MEI4: variants seen among roughly 807,000 people sequenced by gnomAD.
MEI4 encodes the protein meiotic double-stranded break formation protein 4.
In MEI4, 27 loss-of-function variants were observed where a neutral mutation model predicts 31.4. The observed-to-expected ratio is 0.86, with a 90% CI of 0.63 to 1.19. The LOEUF (loss-of-function observed/expected upper bound fraction) is 1.19, where lower values mean the gene tolerates loss of function less well. Among genes scored for constraint, MEI4 ranks in the 50% most tolerant of loss-of-function variants. The pLI, the probability that MEI4 is intolerant of heterozygous loss-of-function variation, is 0.00. For missense variants in MEI4, 329 were observed against 398.9 expected, an observed-to-expected ratio of 0.82 and a Z score of 1.49; for synonymous variants, 122 against 145.4, an observed-to-expected ratio of 0.84 and a Z score of 1.16.
intron 3 of MEI4, among the ~76,000 whole-genome samples, chr6:77,765,701 G>T (rs1296569953): frequency 6.6e-6 from 1 of 151,244 alleles, no homozygotes; most frequent in Non-Finnish European, 1.5e-5. Flanking sequence ...ATACCCAAAG[G>T]ATTATAAATC....
intron 3 of MEI4, among the ~76,000 whole-genome samples, chr6:77,800,738 T>G (rs1055568527): frequency 5.3e-5 from 8 of 152,232 alleles, no homozygotes; most frequent in Non-Finnish European, 8.8e-5. Context: ...TTTCTGCATC[T>G]ATTGAGATAA....
intron 4 of MEI4, among the ~76,000 whole-genome samples, chr6:77,875,767 G>T (rs1031693389): frequency 2.6e-5 from 4 of 151,992 alleles, no homozygotes; most frequent in African/African-American, 9.7e-5. Context: ...CATATTACAT[G>T]GTAAAATGCA....
intron 4 of MEI4, among the ~76,000 whole-genome samples, chr6:77,838,801 G>A (rs1467164100): frequency 6.6e-6 from 1 of 151,960 alleles, no homozygotes; most frequent in Non-Finnish European, 1.5e-5. Flanking sequence ...TACTCAGGAG[G>A]CTGAGGTGGG....
chr6:77,849,566 T>G (rs1271670292), intron 4 of MEI4, among the ~76,000 whole-genome samples: 1 of 152,210 alleles, frequency 6.6e-6, no homozygotes, highest in Non-Finnish European at 1.5e-5. Flanking sequence ...TAAGCGTTAG[T>G]TTCTTTTTGG....
intron 4 of MEI4, among the ~76,000 whole-genome samples, chr6:77,865,826 C>G (rs1284757968): frequency 1.3e-5 from 2 of 152,208 alleles, no homozygotes; most frequent in East Asian, 3.9e-4. Context: ...TGCAAAAATC[C>G]TCAATAAAAT....
intron 4 of MEI4, among the ~76,000 whole-genome samples, chr6:77,874,226 C>T (rs1367230557): frequency 6.6e-6 from 1 of 152,166 alleles, no homozygotes; most frequent in Admixed American, 6.5e-5. Context: ...ATTGATTCTT[C>T]CTACCCATGA....
At chr6:77,664,620 T>C (rs1034526136) in intron 1 of MEI4, among the ~76,000 whole-genome samples, 11 of 151,864 alleles carry the variant, frequency 7.2e-5, no homozygotes, top group African/African-American at 2.4e-4. Context: ...AGAGGTCAGA[T>C]GGGTCTGTAG....
At chr6:77,749,718 T>C (rs2127677171) in intron 2 of MEI4, among the ~76,000 whole-genome samples, 1 of 152,186 alleles carries the variant, frequency 6.6e-6, no homozygotes, top group East Asian at 1.9e-4. Flanking sequence ...CAGGAGAACT[T>C]CCCCAAACTA....
chr6:77,750,221 A>G (rs1767732236), intron 2 of MEI4, among the ~76,000 whole-genome samples: 1 of 152,210 alleles, frequency 6.6e-6, no homozygotes, highest in Non-Finnish European at 1.5e-5. Flanking sequence ...ACTAACGGGC[A>G]AAAGAAACAG....
intron 3 of MEI4, among the ~76,000 whole-genome samples, chr6:77,773,237 G>T (rs1768360226): frequency 6.6e-6 from 1 of 151,850 alleles, no homozygotes; most frequent in Admixed American, 6.6e-5. Context: ...ATAGCCAAAG[G>T]TATCTGGGGC....
At chr6:77,858,077 A>G (rs1169924449) in intron 4 of MEI4, among the ~76,000 whole-genome samples, 2 of 152,340 alleles carry the variant, frequency 1.3e-5, no homozygotes, top group South Asian at 2.1e-4. Flanking sequence ...TATCTGTCAT[A>G]TCTACAATGA....
intron 3 of MEI4, among the ~76,000 whole-genome samples, chr6:77,809,906 C>G (rs923875036): frequency 6.6e-6 from 1 of 152,078 alleles, no homozygotes; most frequent in Non-Finnish European, 1.5e-5. Context: ...TTTGCTAAGT[C>G]TAGCAGCTCT....
intron 4 of MEI4, among the ~76,000 whole-genome samples, chr6:77,886,435 G>GTTTTGT (rs1554172643): frequency 0.015 from 643 of 41,790 alleles, 6 homozygotes; most frequent in African/African-American, 0.07. Flanking sequence ...TTCCAGTTTT[G>GTTTTGT]TTTTTTTTTT....
At chr6:77,746,013 A>C (rs997026255) in intron 2 of MEI4, among the ~76,000 whole-genome samples, 1 of 152,220 alleles carries the variant, frequency 6.6e-6, no homozygotes, top group Admixed American at 6.5e-5. Flanking sequence ...CCACAAGAGA[A>C]AGCAGGAAAG....
intron 4 of MEI4, among the ~76,000 whole-genome samples, chr6:77,918,254 C>T (rs1210571098): frequency 3.9e-4 from 59 of 151,350 alleles, no homozygotes; most frequent in African/African-American, 1.3e-3. Context: ...GATGCAGGCT[C>T]TTTTTTGGTT....
intron 3 of MEI4, among the ~76,000 whole-genome samples, chr6:77,764,701 T>A (rs1768124907): frequency 6.6e-6 from 1 of 152,324 alleles, no homozygotes; most frequent in Admixed American, 6.5e-5. Context: ...ATAAATCAAA[T>A]TTTAGGTCAC....
At chr6:77,803,260 A>G (rs1769323386) in intron 3 of MEI4, among the ~76,000 whole-genome samples, 2 of 152,184 alleles carry the variant, frequency 1.3e-5, no homozygotes, top group Admixed American at 6.5e-5. Context: ...CCAGTTGATC[A>G]AATCGGCTAC....
At chr6:77,695,330 T>C (rs1765997765) in intron 2 of MEI4, among the ~76,000 whole-genome samples, 1 of 151,542 alleles carries the variant, frequency 6.6e-6, no homozygotes. Context: ...AGACATGAAG[T>C]CCTTGCCCAT....
At chr6:77,787,112 T>G (rs748931921) in intron 3 of MEI4, among the ~76,000 whole-genome samples, 2 of 152,092 alleles carry the variant, frequency 1.3e-5, no homozygotes, top group African/African-American at 2.4e-5. Flanking sequence ...AGACACATTG[T>G]GTTCCCAGAG....
Sources: allele counts gnomAD v4.1 joint callset (sites outside exome capture counted in the v4.1 genomes callset), GRCh38; gene constraint gnomAD v4.1.1; transcripts MANE v1.5; gene names NCBI Gene and HGNC (gene_info 2026-07-23, HGNC 2026-07-21).